KCNH5: variants seen among roughly 807,000 people sequenced by gnomAD.
KCNH5 encodes voltage-gated delayed rectifier potassium channel KCNH5.
A neutral mutation model predicts 96.1 loss-of-function variants in KCNH5; 46 were observed. The ratio of observed to expected loss-of-function variants is 0.48; its 90% confidence interval spans 0.38 to 0.61. The LOEUF is 0.61. KCNH5 is among the 20% of genes least tolerant of loss of function. The probability of loss-of-function intolerance (pLI) is 0.00; values close to 1 mark genes in which losing one functional copy is unlikely to be tolerated. For missense variants in KCNH5, 907 were observed against 1,225.8 expected, an observed-to-expected ratio of 0.74 and a Z score of 3.88; for synonymous variants, 439 against 449.8, an observed-to-expected ratio of 0.98 and a Z score of 0.30.
chr14:62,882,401 T>G (rs1011108710), intron 7 of KCNH5, among the ~76,000 whole-genome samples: 3 of 152,194 alleles, frequency 2.0e-5, no homozygotes, highest in Admixed American at 6.5e-5. Context: ...ATGCTGTAAT[T>G]TCTATGCTCC....
At position 62,709,793 on chromosome 14, in the gene KCNH5, A is replaced by G. The variant is rs554099528; in HGVS notation, c.2020-1338T>C. Among the ~76,000 whole-genome samples, 4 of 152,370 alleles carry G rather than the reference A, an allele frequency of 2.6e-5. No individual in the cohort carries two copies. In the East Asian group the frequency reaches 5.8e-4, roughly 22 times the overall value. On this transcript the variant is annotated intron_variant, in intron 10 of 10. Coordinates refer to ENST00000322893, the MANE Select transcript of KCNH5 (RefSeq NM_139318.5). ...ATCAGAGTTGGAAGTAAAGTTAATA[A>G]GTGTGAGATTTTTGCTCAGAGTCCT...
intron 7 of KCNH5, among the ~76,000 whole-genome samples, chr14:62,873,294 C>T (rs1888297066): frequency 6.6e-6 from 1 of 152,010 alleles, no homozygotes. Context: ...ATGACAGTTT[C>T]AAAATAATGA....
intron 7 of KCNH5, among the ~76,000 whole-genome samples, chr14:62,851,372 T>C (rs1223452073): frequency 6.6e-6 from 1 of 152,034 alleles, no homozygotes; most frequent in East Asian, 1.9e-4. Context: ...AATAAATGTG[T>C]TTATCTTTAA....
intron 9 of KCNH5, among the ~76,000 whole-genome samples, chr14:62,780,280 T>C (rs1450973030): frequency 6.6e-6 from 1 of 152,226 alleles, no homozygotes; most frequent in Non-Finnish European, 1.5e-5. Context: ...CTCTGGTCCT[T>C]CTGGTAAAGA....
chr14:62,956,883 AT>A (rs1444107917), intron 6 of KCNH5, among the ~76,000 whole-genome samples: 7 of 152,074 alleles, frequency 4.6e-5, no homozygotes, highest in African/African-American at 1.7e-4. Context: ...TTAGATATTC[AT>A]TGATTTTCTG....
Position 62,707,790 on chromosome 14 carries a change from CT to C in KCNH5, c.2684del (p.Lys895SerfsTer34). On this transcript the variant is annotated frameshift_variant, in exon 11 of 11. Coordinates refer to ENST00000322893, the MANE Select transcript of KCNH5 (RefSeq NM_139318.5). LOFTEE classifies it high-confidence loss of function. ...GCTCGGGGATGGGATAAAAGGGGTGCTTGGCATCAGCCTGGATGGGACTGTG... is the reference window on the plus strand; with the variant it reads ...GCTCGGGGATGGGATAAAAGGGGTGCTGGCATCAGCCTGGATGGGACTGTG... ...LEHSPIQADA[K>X]HPFYPIPEQA... is the part of the protein sequence containing the mutation. The C allele has an allele frequency of 6.2e-7, 1 of 1,614,146 alleles. No homozygotes were observed. Among genetic ancestry groups the C allele is most frequent in the Non-Finnish European group, 8.5e-7 (1 of 1,180,032 alleles).
chr14:62,857,480 G>A (rs1475274762), intron 7 of KCNH5, among the ~76,000 whole-genome samples: 1 of 152,050 alleles, frequency 6.6e-6, no homozygotes. Context: ...AATATATAAA[G>A]GGAAGTTTAT....
At chr14:62,925,146 C>T (rs1889449733) in intron 7 of KCNH5, among the ~76,000 whole-genome samples, 1 of 151,674 alleles carries the variant, frequency 6.6e-6, no homozygotes, top group South Asian at 2.1e-4. Flanking sequence ...TGATTGTTTG[C>T]CCTGGTGCCT....
chr14:62,798,224 G>T (rs1028712564), intron 9 of KCNH5, among the ~76,000 whole-genome samples: 1 of 152,104 alleles, frequency 6.6e-6, no homozygotes, highest in African/African-American at 2.4e-5. Context: ...ACAACTAAAA[G>T]ACTTAGATAG....
chr14:62,910,221 A>ATT (rs1889122954), intron 7 of KCNH5, among the ~76,000 whole-genome samples: 1 of 152,086 alleles, frequency 6.6e-6, no homozygotes, highest in South Asian at 2.1e-4. Context: ...AACCTTACAA[A>ATT]TTATAAATAG....
At chr14:62,834,805 C>A (rs1037105037) in intron 8 of KCNH5, among the ~76,000 whole-genome samples, 1 of 151,938 alleles carries the variant, frequency 6.6e-6, no homozygotes, top group Admixed American at 6.6e-5. Context: ...ATTAATACGT[C>A]CACAAATAAT....
At chr14:62,785,962 G>T (rs1258305954) in intron 9 of KCNH5, among the ~76,000 whole-genome samples, 1 of 152,188 alleles carries the variant, frequency 6.6e-6, no homozygotes, top group Non-Finnish European at 1.5e-5. Context: ...AGAGGCCAAG[G>T]TGGGCAGATC....
At chr14:63,002,653 A>G (rs1476927260) in intron 3 of KCNH5, among the ~76,000 whole-genome samples, 2 of 152,192 alleles carry the variant, frequency 1.3e-5, no homozygotes, top group Admixed American at 1.3e-4. Context: ...AAAAATAAAA[A>G]AGTCACCTAA....
rs532204382 is a variant in KCNH5 at position 62,879,235 on chromosome 14, C to A, written c.1370-29383G>T. The stretch of plus-strand genomic sequence containing the variant: ...AGAATATGTTGGAGAGAATACAGAG[C>A]AACTGGAACTCTCATGCATTGCTGG... On this transcript the variant is annotated intron_variant, in intron 7 of 10. Transcript: ENST00000322893. 2.0e-5 allele frequency among the ~76,000 whole-genome samples: 3 copies of A among 152,190 alleles called. No homozygotes were observed. In the South Asian group the frequency reaches 6.2e-4, roughly 32 times the overall value.
intron 8 of KCNH5, among the ~76,000 whole-genome samples, chr14:62,807,483 TA>T (rs1886790816): frequency 6.6e-6 from 1 of 152,104 alleles, no homozygotes; most frequent in Non-Finnish European, 1.5e-5. Flanking sequence ...AAAACAGCTT[TA>T]AAAATTATTA....
chr14:62,894,703 A>C (rs1429197688), intron 7 of KCNH5, among the ~76,000 whole-genome samples: 1 of 152,200 alleles, frequency 6.6e-6, no homozygotes, highest in Non-Finnish European at 1.5e-5. Flanking sequence ...GCAAAAGGTT[A>C]ATTGTATGTC....
At position 62,849,756 on chromosome 14, in the gene KCNH5, C is replaced by T. The variant is rs1305159522; in HGVS notation, c.1466G>A (p.Arg489Gln). 3 of 1,613,736 alleles carry T rather than the reference C, an allele frequency of 1.9e-6. No homozygotes were observed. The highest frequency in any genetic ancestry group is 1.7e-6 in the Non-Finnish European group (2 of 1,179,792). ...GACCTGATAGAGTTTTAGGAAGTCC[C>T]GTACATTATTCAGCATCTCATGGTA... ...NRYHEMLNNVRDFLKLYQVPK... is the reference protein window; with the variant it reads ...NRYHEMLNNVQDFLKLYQVPK... Residue 489 changes from arginine to glutamine, a missense_variant, in exon 8 of 11, where the codon CGG (arginine) becomes CAG (glutamine). This residue lies in a region of KCNH5 where 95 missense variants were observed against 111.8 expected (regional missense o/e 0.85). Transcript: ENST00000322893.
chr14:63,038,642 T>C (rs1171373245), intron 1 of KCNH5, among the ~76,000 whole-genome samples: 1 of 152,090 alleles, frequency 6.6e-6, no homozygotes, highest in East Asian at 1.9e-4. Context: ...AGAATGTATA[T>C]AAATATGTCT....
chr14:62,776,755 GA>G (rs1886106437), intron 10 of KCNH5, among the ~76,000 whole-genome samples: 1 of 152,196 alleles, frequency 6.6e-6, no homozygotes, highest in Non-Finnish European at 1.5e-5. Context: ...TTTTTACATA[GA>G]GGGGCTTAAG....
Sources: gnomAD v4.1 joint callset for allele counts (sites outside exome capture counted in the v4.1 genomes callset) on GRCh38, gnomAD v4.1.1 for gene constraint, gnomAD v4.1.1 regional missense constraint, MANE v1.5 for transcripts, NCBI Gene and HGNC (gene_info 2026-07-23, HGNC 2026-07-21) for gene names.